The following AGBL1 variants were observed in gnomAD, a reference collection of about 807,000 sequenced individuals.
AGBL1 encodes the protein cytosolic carboxypeptidase 4.
Under a neutral mutation model 118.9 loss-of-function variants are expected in AGBL1, and 130 were observed. The ratio of observed to expected loss-of-function variants is 1.09; its 90% CI spans 0.95 to 1.26. AGBL1 has a LOEUF of 1.26. Ranked by LOEUF, AGBL1 falls within the 50% of genes most tolerant of loss-of-function variation. The pLI, the probability that AGBL1 is intolerant of heterozygous loss-of-function variation, is 0.00. For missense variants in AGBL1, 1,584 were observed against 1,298.1 expected (o/e 1.22, Z -3.38); for synonymous variants, 555 against 478.9 (o/e 1.16, Z -2.08).
At chr15:86,092,376 G>C (rs1018358319) in intron 1 of AGBL1, among the ~76,000 whole-genome samples, 1 of 152,142 alleles carries the variant, frequency 6.6e-6, no homozygotes, top group Admixed American at 6.5e-5. Context: ...GGGGATCTCA[G>C]TTGATCTCTA....
intron 17 of AGBL1, among the ~76,000 whole-genome samples, chr15:86,309,203 T>G (rs115614030): frequency 0.014 from 2,096 of 152,310 alleles, 55 homozygotes; most frequent in African/African-American, 0.045. Flanking sequence ...TAAATTTCCT[T>G]TCAAATAGTT....
At chr15:86,886,382 C>T (rs1316993607) in intron 22 of AGBL1, among the ~76,000 whole-genome samples, 8 of 152,208 alleles carry the variant, frequency 5.3e-5, no homozygotes. Flanking sequence ...TTCTCTTAAA[C>T]ACTCCTGCCC....
At chr15:86,121,978 A>T (rs1007464379) in intron 1 of AGBL1, among the ~76,000 whole-genome samples, 1 of 152,246 alleles carries the variant, frequency 6.6e-6, no homozygotes, top group Non-Finnish European at 1.5e-5. Context: ...AAGCCAGAGA[A>T]CATTTCAACT....
chr15:86,517,862 G>A (rs1423513352), intron 18 of AGBL1, among the ~76,000 whole-genome samples: 1 of 152,124 alleles, frequency 6.6e-6, no homozygotes, highest in Admixed American at 6.5e-5. Context: ...GTGTCTGGCC[G>A]ATAGTCCCCC....
chr15:86,564,574 C>G (rs2083883233), intron 21 of AGBL1, among the ~76,000 whole-genome samples: 1 of 152,174 alleles, frequency 6.6e-6, no homozygotes, highest in African/African-American at 2.4e-5. Context: ...TTTTTTCCTT[C>G]ATTTCAACTT....
intron 17 of AGBL1, among the ~76,000 whole-genome samples, chr15:86,362,682 C>T (rs2080823035): frequency 6.6e-6 from 1 of 152,188 alleles, no homozygotes; most frequent in Non-Finnish European, 1.5e-5. Flanking sequence ...CCACAAGAAG[C>T]ATGGATGTGA....
chr15:86,797,610 AC>A (rs910868478), intron 22 of AGBL1, among the ~76,000 whole-genome samples: 11 of 152,228 alleles, frequency 7.2e-5, no homozygotes, highest in Admixed American at 6.5e-5. Context: ...ATAGGTCAGG[AC>A]AAAGAGGCCC....
Position 86,613,316 on chromosome 15 carries a change from C to T in AGBL1, c.2994+58779C>T, listed in dbSNP as rs2142394719. On this transcript the variant is annotated intron_variant, in intron 21 of 22. Coordinates refer to ENST00000614907, the MANE Select transcript of AGBL1 (RefSeq NM_001386094.1). This position sits in a 1 kb window ranked among gnomAD's most constrained non-coding sequence, Gnocchi z 4.2. Reference sequence around the variant, plus strand: ...CAGCATGGTGAAGGCAGTCGAGGTCCCATGAACTTGTAGGTGACTTTAGCT... The same window carrying T: ...CAGCATGGTGAAGGCAGTCGAGGTCTCATGAACTTGTAGGTGACTTTAGCT... 6.6e-6 allele frequency among the ~76,000 whole-genome samples: 1 copy of T among 152,206 alleles called. No individual in the cohort carries two copies.
At chr15:86,560,360 A>T (rs752949909) in intron 21 of AGBL1, among the ~76,000 whole-genome samples, 2 of 147,570 alleles carry the variant, frequency 1.4e-5, no homozygotes, top group Non-Finnish European at 3.0e-5. Context: ...TCATTGTTCA[A>T]TTCCCATCTA....
chr15:86,583,635 G>A (rs192168060), intron 21 of AGBL1, among the ~76,000 whole-genome samples: 1 of 152,196 alleles, frequency 6.6e-6, no homozygotes, highest in Admixed American at 6.5e-5. Context: ...GTGCTACAGT[G>A]AATGTGCAAC....
chr15:86,967,762 TG>T (rs1203294333), intron 23 of AGBL1, among the ~76,000 whole-genome samples: 1 of 152,166 alleles, frequency 6.6e-6, no homozygotes, highest in Non-Finnish European at 1.5e-5. Flanking sequence ...CGTAGCATGA[TG>T]CCTCCAGCTT....
At chr15:86,535,864 A>G (rs2083419201) in intron 19 of AGBL1, among the ~76,000 whole-genome samples, 1 of 152,182 alleles carries the variant, frequency 6.6e-6, no homozygotes, top group Non-Finnish European at 1.5e-5. Flanking sequence ...GAATTGTTTT[A>G]TTTCCACTTT....
At chr15:86,595,821 C>T (rs1220814645) in intron 21 of AGBL1, among the ~76,000 whole-genome samples, 2 of 151,918 alleles carry the variant, frequency 1.3e-5, no homozygotes, top group East Asian at 1.9e-4. Context: ...ATTTGATGGG[C>T]AGGGGGCAAG....
intron 22 of AGBL1, among the ~76,000 whole-genome samples, chr15:86,718,156 G>T (rs988893747): frequency 1.3e-5 from 2 of 152,148 alleles, no homozygotes; most frequent in South Asian, 2.1e-4. Context: ...AAAACAGCCA[G>T]AGCCAGAGAC....
At chr15:86,983,905 T>C (rs561838098) in intron 23 of AGBL1, among the ~76,000 whole-genome samples, 22 of 152,372 alleles carry the variant, frequency 1.4e-4, no homozygotes, top group Admixed American at 5.2e-4. Context: ...AGTATTCCAC[T>C]GTATGCAACG....
chr15:86,553,173 C>T (rs942245927), intron 20 of AGBL1, among the ~76,000 whole-genome samples: 6 of 152,148 alleles, frequency 3.9e-5, no homozygotes, highest in Admixed American at 3.9e-4. Context: ...TAATTTTATA[C>T]TATGTGTTAT....
At chr15:86,716,808 G>A (rs1399171843) in intron 22 of AGBL1, among the ~76,000 whole-genome samples, 1 of 152,182 alleles carries the variant, frequency 6.6e-6, no homozygotes, top group Non-Finnish European at 1.5e-5. Context: ...GGACCTCATA[G>A]GTAGATTGGG....
intron 22 of AGBL1, among the ~76,000 whole-genome samples, chr15:86,713,148 C>T (rs2086586776): frequency 1.3e-5 from 2 of 152,236 alleles, no homozygotes; most frequent in African/African-American, 4.8e-5. Context: ...TTGCCCTTTC[C>T]CTTTCTCCTT....
At chr15:86,925,114 GAAGAAGAA>G (rs2080518271) in intron 23 of AGBL1, among the ~76,000 whole-genome samples, 1 of 69,202 alleles carries the variant, frequency 1.4e-5, no homozygotes, top group Non-Finnish European at 3.5e-5. Flanking sequence ...AGAAGAAGAA[GAAGAAGAA>G]GAAGAGGAAG....
Sources: gnomAD v4.1 joint callset for allele counts (sites outside exome capture counted in the v4.1 genomes callset) on GRCh38, gnomAD v4.1.1 for gene constraint, Gnocchi (gnomAD v3.1) non-coding constraint, MANE v1.5 for transcripts, NCBI Gene and HGNC (gene_info 2026-07-23, HGNC 2026-07-21) for gene names.